The following CCR3 variants were observed in gnomAD, a reference collection of about 807,000 sequenced individuals.
CCR3 encodes the protein C-C chemokine receptor type 3.
For missense variants in CCR3, 419 were observed against 437.5 expected, an observed-to-expected ratio of 0.96 and a Z score of 0.38; for synonymous variants, 203 against 179.2, an observed-to-expected ratio of 1.13 and a Z score of -1.06.
chr3:46,253,062 T>C (rs1294978350), intron 1 of CCR3, among the ~76,000 whole-genome samples: 2 of 151,914 alleles, frequency 1.3e-5, no homozygotes, highest in African/African-American at 2.4e-5. Flanking sequence ...CTGATTTAAT[T>C]GTTCAGGGTT....
chr3:46,247,053 C>A (rs959898351), intron 1 of CCR3, among the ~76,000 whole-genome samples: 2 of 151,160 alleles, frequency 1.3e-5, no homozygotes, highest in African/African-American at 4.9e-5. Flanking sequence ...GTCTAAGAAT[C>A]GGGAGGACCT....
intron 2 of CCR3, among the ~76,000 whole-genome samples, chr3:46,233,271 G>C (rs1016678666): frequency 6.6e-6 from 1 of 152,196 alleles, no homozygotes; most frequent in Admixed American, 6.5e-5. Context: ...CTAGAAAAGT[G>C]ACAGTAAACA....
chr3:46,228,171 T>G (rs1445750064), intron 2 of CCR3, among the ~76,000 whole-genome samples: 1 of 151,888 alleles, frequency 6.6e-6, no homozygotes, highest in Non-Finnish European at 1.5e-5. Flanking sequence ...CTTTTTTTTT[T>G]TTCTTCCTCA....
At chr3:46,241,771 A>G (rs567228167), upstream of CCR3, among the ~76,000 whole-genome samples, 2 of 152,244 alleles carry the variant, frequency 1.3e-5, no homozygotes, top group East Asian at 3.9e-4. Context: ...CCAAGTGTCT[A>G]CTGGACCCTG....
At chr3:46,216,373 T>C (rs1699774865) in intron 2 of CCR3, among the ~76,000 whole-genome samples, 1 of 152,204 alleles carries the variant, frequency 6.6e-6, no homozygotes, top group African/African-American at 2.4e-5. Flanking sequence ...GAATAATTGG[T>C]GTGCCTGAGG....
intron 1 of CCR3, among the ~76,000 whole-genome samples, chr3:46,252,035 A>G (rs1050230926): frequency 2.6e-5 from 4 of 152,176 alleles, no homozygotes; most frequent in African/African-American, 4.8e-5. Flanking sequence ...CAGGGGATGC[A>G]ATGGCTTGGC....
upstream of CCR3, among the ~76,000 whole-genome samples, chr3:46,240,792 T>C (rs981534579): frequency 2.0e-5 from 3 of 152,166 alleles, no homozygotes; most frequent in South Asian, 4.1e-4. Flanking sequence ...CATTTTGCAG[T>C]AGAGCACGCT....
chr3:46,255,346 G>T (rs1575506924), intron 1 of CCR3, among the ~76,000 whole-genome samples: 1 of 152,034 alleles, frequency 6.6e-6, no homozygotes, highest in Non-Finnish European at 1.5e-5. Context: ...TCTGTTGGTG[G>T]TCTGTTTACT....
At chr3:46,211,330 C>G (rs1419650616) in intron 2 of CCR3, among the ~76,000 whole-genome samples, 1 of 150,558 alleles carries the variant, frequency 6.6e-6, no homozygotes, top group Non-Finnish European at 1.5e-5. Context: ...TCCTAAGTAG[C>G]TGGAACCACA....
At chr3:46,220,466 A>G (rs544177127) in intron 2 of CCR3, among the ~76,000 whole-genome samples, 3 of 152,370 alleles carry the variant, frequency 2.0e-5, no homozygotes, top group Admixed American at 1.3e-4. Context: ...AACCAAAAGT[A>G]GAACTACCAT....
At chr3:46,222,850 G>A (rs1030704074) in intron 2 of CCR3, among the ~76,000 whole-genome samples, 23 of 152,316 alleles carry the variant, frequency 1.5e-4, no homozygotes, top group Non-Finnish European at 2.1e-4. Flanking sequence ...ATGTTCAGCC[G>A]ATGGGAGCTA....
In CCR3 at chr3:46,265,248, A is replaced by C. The variant is rs1700596211; in HGVS notation, c.90A>C (p.Arg30Ser). Residue 30 changes from arginine (R) to serine (S), a missense_variant, in exon 2 of 2, where the codon AGA becomes AGC. By Grantham distance (110) the Arg-to-Ser change is moderately radical (BLOSUM62 -1). Coordinates refer to ENST00000395940, the MANE Select transcript of CCR3 (RefSeq NM_178329.3). ...TGCTCTGTGAAAAAGCTGATACCAG[A>C]GCACTGATGGCCCAGTTTGTGCCCC... ...VGLLCEKADT[R>S]ALMAQFVPPL... 6.2e-7 allele frequency: 1 copy of C among 1,613,836 alleles called. No individual in the cohort carries two copies. The highest frequency in any genetic ancestry group is 1.7e-5 in the Admixed American group (1 of 59,970).
intron 2 of CCR3, among the ~76,000 whole-genome samples, chr3:46,218,535 C>G (rs1286307671): frequency 6.6e-6 from 1 of 152,016 alleles, no homozygotes; most frequent in Admixed American, 6.6e-5. Flanking sequence ...AAAAAGAAAA[C>G]TACTGATCAA....
At chr3:46,238,241 G>C (rs2125926162), upstream of CCR3, among the ~76,000 whole-genome samples, 1 of 113,686 alleles carries the variant, frequency 8.8e-6, no homozygotes, top group South Asian at 3.2e-4. Flanking sequence ...GTCAGCACTT[G>C]ATATTGTCAA....
intron 2 of CCR3, among the ~76,000 whole-genome samples, chr3:46,224,767 C>CA (rs886129102): frequency 3.0e-5 from 4 of 134,330 alleles, no homozygotes; most frequent in Non-Finnish European, 4.8e-5. Flanking sequence ...CCATCAACAA[C>CA]AAAAAACAAA....
chr3:46,227,567 T>C (rs1188824044), intron 2 of CCR3, among the ~76,000 whole-genome samples: 1 of 152,192 alleles, frequency 6.6e-6, no homozygotes, highest in African/African-American at 2.4e-5. Context: ...CTACTTGTTT[T>C]GAGTTAATTT....
In CCR3 at chr3:46,253,710, A is replaced by T. The variant is rs117682199; in HGVS notation, c.-12+11172A>T. ...AACTAGAATTACCGGATTCTTTTGG[A>T]GTATTTTTGTTCTACTTTTATTTTA... On this transcript the variant is annotated intron_variant, in intron 1 of 1. Coordinates refer to ENST00000395940, the MANE Select transcript of CCR3 (RefSeq NM_178329.3). Among the ~76,000 whole-genome samples, 34 of 152,210 alleles carry T rather than the reference A, an allele frequency of 2.2e-4. No homozygotes were observed. The East Asian group carries it at 4.2e-3, about 19-fold the overall frequency.
intron 2 of CCR3, among the ~76,000 whole-genome samples, chr3:46,230,610 T>C (rs766290641): frequency 5.3e-5 from 8 of 152,022 alleles, no homozygotes; most frequent in Non-Finnish European, 1.0e-4. Context: ...AGAAATGCAC[T>C]CATCTCCCAG....
At chr3:46,213,587 A>G (rs2125922215) in intron 2 of CCR3, among the ~76,000 whole-genome samples, 1 of 152,326 alleles carries the variant, frequency 6.6e-6, no homozygotes, top group African/African-American at 2.4e-5. Flanking sequence ...CTCTAGTTCC[A>G]TAGCCAAGTA....
Sources: allele counts gnomAD v4.1 joint callset (sites outside exome capture counted in the v4.1 genomes callset), GRCh38; gene constraint gnomAD v4.1.1; transcripts MANE v1.5; gene names NCBI Gene and HGNC (gene_info 2026-07-23, HGNC 2026-07-21).